ALK: variants seen among roughly 807,000 people sequenced by gnomAD.
ALK encodes the protein ALK tyrosine kinase receptor.
ALK carries 74 observed loss-of-function variants against 163.1 expected under a neutral mutation model. That is an observed-to-expected ratio of 0.45 (90% CI 0.38 to 0.55). The LOEUF is 0.55. ALK is among the 20% of genes least tolerant of loss of function. ALK has a pLI of 0.00. For missense variants in ALK, 2,063 were observed against 2,105.3 expected, an observed-to-expected ratio of 0.98 and a Z score of 0.39; for synonymous variants, 960 against 843.2, an observed-to-expected ratio of 1.14 and a Z score of -2.40.
intron 1 of ALK, among the ~76,000 whole-genome samples, chr2:29,872,170 T>C (rs1306575075): frequency 6.6e-6 from 1 of 151,982 alleles, no homozygotes; most frequent in Non-Finnish European, 1.5e-5. Context: ...TGACAGGGAG[T>C]TGACTGAACT....
At chr2:29,237,266 C>T (rs1050177190) in intron 13 of ALK, among the ~76,000 whole-genome samples, 1 of 152,202 alleles carries the variant, frequency 6.6e-6, no homozygotes, top group African/African-American at 2.4e-5. Flanking sequence ...CTTGACCCTT[C>T]CCTTGTGTCC....
At chr2:29,310,463 A>G (rs1232763328) in intron 8 of ALK, among the ~76,000 whole-genome samples, 1 of 152,208 alleles carries the variant, frequency 6.6e-6, no homozygotes, top group East Asian at 1.9e-4. Flanking sequence ...ACTAGGGTGC[A>G]AAGAGCTAGG....
At chr2:29,316,559 A>T (rs1666841263) in intron 8 of ALK, among the ~76,000 whole-genome samples, 1 of 152,208 alleles carries the variant, frequency 6.6e-6, no homozygotes, top group South Asian at 2.1e-4. Context: ...AATTTGGCTC[A>T]TATTAAACCC....
At chr2:29,214,509 A>T (rs1414594566) in intron 23 of ALK, among the ~76,000 whole-genome samples, 1 of 152,216 alleles carries the variant, frequency 6.6e-6, no homozygotes. Flanking sequence ...GGGGAGTTTT[A>T]AAAATCCTCG....
chr2:29,796,390 C>T (rs954066204), intron 1 of ALK, among the ~76,000 whole-genome samples: 1 of 151,978 alleles, frequency 6.6e-6, no homozygotes, highest in Admixed American at 6.6e-5. Flanking sequence ...ATTAAAAGAC[C>T]AAAAAAGCTC....
intron 25 of ALK, 47 bp from the exon 26 acceptor site, chr2:29,207,319 T>A (rs2148152402): frequency 7.1e-7 from 1 of 1,415,540 alleles, no homozygotes; most frequent in Non-Finnish European, 1.0e-6. Context: ...GAGATGGCAT[T>A]AAGCATCTGC....
intron 1 of ALK, among the ~76,000 whole-genome samples, chr2:29,899,201 T>C (rs1407620795): frequency 2.6e-5 from 4 of 152,208 alleles, no homozygotes; most frequent in African/African-American, 9.7e-5. Flanking sequence ...GCACTCGAGC[T>C]TGAGACTATG....
intron 1 of ALK, among the ~76,000 whole-genome samples, chr2:29,785,459 C>A (rs923484134): frequency 2.6e-5 from 4 of 152,130 alleles, no homozygotes; most frequent in African/African-American, 9.7e-5. Context: ...TCATTTTGCC[C>A]AAGACTCAAG....
At chr2:29,235,756 G>C (rs1664355940) in intron 13 of ALK, among the ~76,000 whole-genome samples, 1 of 147,306 alleles carries the variant, frequency 6.8e-6, no homozygotes, top group Non-Finnish European at 1.5e-5. Flanking sequence ...GCAGTGGCAT[G>C]ATCATAGCTC....
At chr2:29,199,711 C>A (rs938059250) in intron 26 of ALK, among the ~76,000 whole-genome samples, 2 of 152,066 alleles carry the variant, frequency 1.3e-5, no homozygotes, top group Admixed American at 6.5e-5. Context: ...TTTGATTTCT[C>A]ATTTGTTTTT....
chr2:29,442,411 C>T (rs1670568918), intron 4 of ALK, among the ~76,000 whole-genome samples: 1 of 152,070 alleles, frequency 6.6e-6, no homozygotes, highest in Non-Finnish European at 1.5e-5. Flanking sequence ...TATCCATAAC[C>T]ACAGAGCTCT....
intron 4 of ALK, among the ~76,000 whole-genome samples, chr2:29,412,632 G>A (rs1271501111): frequency 6.6e-6 from 1 of 152,070 alleles, no homozygotes; most frequent in East Asian, 1.9e-4. Context: ...TTTTTCAGCT[G>A]CCTTCACATC....
At chr2:29,304,576 A>G (rs1666455055) in intron 8 of ALK, among the ~76,000 whole-genome samples, 1 of 151,860 alleles carries the variant, frequency 6.6e-6, no homozygotes, top group Non-Finnish European at 1.5e-5. Flanking sequence ...TGCTCCTGTG[A>G]CTCATCCCAT....
chr2:29,389,195 T>C (rs1169431657), intron 4 of ALK, among the ~76,000 whole-genome samples: 6 of 152,124 alleles, frequency 3.9e-5, no homozygotes, highest in Admixed American at 3.3e-4. Context: ...TACAGACTGG[T>C]GAGAAAGAAT....
intron 5 of ALK, among the ~76,000 whole-genome samples, chr2:29,331,345 G>C (rs1426177822): frequency 6.6e-6 from 1 of 152,160 alleles, no homozygotes; most frequent in Non-Finnish European, 1.5e-5. Flanking sequence ...ACCCAACACG[G>C]ATGGAAAATA....
At position 29,472,422 on chromosome 2, in the gene ALK, G is replaced by A. The variant is rs550638312; in HGVS notation, c.1154+59493C>T. Among the ~76,000 whole-genome samples, 10 of 152,266 alleles carry A rather than the reference G, an allele frequency of 6.6e-5. No individual in the cohort carries two copies. In the East Asian group the frequency reaches 1.2e-3, roughly 18 times the overall value. On this transcript the variant is annotated intron_variant, in intron 4 of 28. Transcript: ENST00000389048. ...TTTATGCCATTGTAGGAACTGGAAC[G>A]GAAGGAAACTTCCTCAATCTGACAA...
intron 9 of ALK, among the ~76,000 whole-genome samples, chr2:29,282,257 C>T (rs1665736193): frequency 6.6e-6 from 1 of 152,192 alleles, no homozygotes; most frequent in Non-Finnish European, 1.5e-5. Context: ...ATTTGCTCTG[C>T]AAAAGTCTTC....
At chr2:29,531,051 G>A (rs748269283) in intron 4 of ALK, among the ~76,000 whole-genome samples, 1 of 152,178 alleles carries the variant, frequency 6.6e-6, no homozygotes, top group Non-Finnish European at 1.5e-5. Context: ...TGCACACCAT[G>A]GGGATGGACA....
At chr2:29,676,373 G>A (rs1162291194) in intron 3 of ALK, among the ~76,000 whole-genome samples, 3 of 151,896 alleles carry the variant, frequency 2.0e-5, no homozygotes, top group African/African-American at 4.8e-5. Context: ...TATGGTATGA[G>A]GTCATATTCT....
Sources: allele counts gnomAD v4.1 joint callset (sites outside exome capture counted in the v4.1 genomes callset), GRCh38; gene constraint gnomAD v4.1.1; transcripts MANE v1.5; gene names NCBI Gene and HGNC (gene_info 2026-07-23, HGNC 2026-07-21).